The following ATP2C1 variants were observed in gnomAD, a reference collection of about 807,000 sequenced individuals.
The protein encoded by ATP2C1 is calcium-transporting ATPase type 2C member 1.
Under a neutral mutation model 120.5 loss-of-function variants are expected in ATP2C1, and 31 were observed. The observed-to-expected ratio is 0.26, with a 90% confidence interval of 0.19 to 0.35. The LOEUF is 0.35. Among genes scored for constraint, ATP2C1 ranks in the 10% least tolerant of loss-of-function variants. The probability of loss-of-function intolerance (pLI) is 1.00; values close to 1 mark genes in which losing one functional copy is unlikely to be tolerated. For missense variants in ATP2C1, 731 were observed against 1,107.5 expected, an observed-to-expected ratio of 0.66 and a Z score of 4.83; for synonymous variants, 351 against 358.7, an observed-to-expected ratio of 0.98 and a Z score of 0.24.
intron 17 of ATP2C1, among the ~76,000 whole-genome samples, chr3:130,971,317 A>G (rs1197479345): frequency 6.6e-6 from 1 of 152,184 alleles, no homozygotes; most frequent in Non-Finnish European, 1.5e-5. Context: ...AAGTGGCAGG[A>G]TATGTTTGGA....
intron 8 of ATP2C1, among the ~76,000 whole-genome samples, chr3:130,946,382 G>A (rs1033301337): frequency 6.6e-6 from 1 of 152,190 alleles, no homozygotes; most frequent in East Asian, 1.9e-4. Context: ...TGTTTTCAGG[G>A]CTTGTTCCTT....
intron 2 of ATP2C1, among the ~76,000 whole-genome samples, chr3:130,908,428 T>C (rs1419185728): frequency 6.6e-6 from 1 of 151,870 alleles, no homozygotes; most frequent in African/African-American, 2.4e-5. Flanking sequence ...CCAAGATGTA[T>C]TGAATGACAA....
chr3:130,858,586 G>A (rs981465816), intron 1 of ATP2C1, among the ~76,000 whole-genome samples: 7 of 152,154 alleles, frequency 4.6e-5, no homozygotes, highest in African/African-American at 1.7e-4. Context: ...TTTGATTCCC[G>A]ATGTATCCCA....
chr3:131,005,173 TG>T, downstream of ATP2C1, among the ~76,000 whole-genome samples: 1 of 143,446 alleles, frequency 7.0e-6, no homozygotes, highest in Middle Eastern at 3.8e-3. Flanking sequence ...TGGAGTACAG[TG>T]GTGTGATCTT....
At chr3:130,963,804 T>C in intron 12 of ATP2C1, 167 bp from the exon 13 acceptor site, 1 of 748,304 alleles carries the variant, frequency 1.3e-6, no homozygotes, top group Non-Finnish European at 2.2e-6. Context: ...TGGCAGCTAC[T>C]AGGTATCCAG....
chr3:130,996,940 G>A (rs2062649439), intron 24 of ATP2C1, 144 bp downstream of exon 24: 1 of 704,160 alleles, frequency 1.4e-6, no homozygotes, highest in South Asian at 1.6e-5. Flanking sequence ...TGTGTGATGT[G>A]TGTATTTTAT....
intron 2 of ATP2C1, among the ~76,000 whole-genome samples, chr3:130,908,502 A>C (rs997096090): frequency 2.0e-5 from 3 of 152,006 alleles, no homozygotes; most frequent in African/African-American, 4.8e-5. Context: ...ACTTGTATAC[A>C]CACCTGTATA....
intron 17 of ATP2C1, among the ~76,000 whole-genome samples, chr3:130,973,507 G>A (rs570562275): frequency 6.6e-5 from 10 of 151,906 alleles, no homozygotes; most frequent in South Asian, 2.1e-4. Flanking sequence ...TGTTTTTTTC[G>A]ATCCGGTAAC....
At position 130,976,743 on chromosome 3, in the gene ATP2C1, T is replaced by G. The variant is rs544856812; in HGVS notation, c.1570+1255T>G. On this transcript the variant is annotated intron_variant, in intron 18 of 27. Coordinates refer to ENST00000510168, the MANE Select transcript of ATP2C1 (RefSeq NM_001378687.1). ...CTGGACCCCTGAAGCCAAGGCAGATTCTTTCTCCCAGCGTCATTTCTGGGG... is the reference window on the plus strand; with the variant it reads ...CTGGACCCCTGAAGCCAAGGCAGATGCTTTCTCCCAGCGTCATTTCTGGGG... Among the ~76,000 whole-genome samples, 34 of 152,278 alleles carry G rather than the reference T, an allele frequency of 2.2e-4. No homozygotes were observed. In the South Asian group the frequency reaches 2.3e-3, roughly 10 times the overall value.
chr3:130,870,298 G>A (rs887284653), intron 1 of ATP2C1, among the ~76,000 whole-genome samples: 1 of 152,220 alleles, frequency 6.6e-6, no homozygotes, highest in African/African-American at 2.4e-5. Context: ...GCAGTCCATG[G>A]ATCAAGGAAG....
At chr3:130,994,495 T>C (rs191175460) in intron 22 of ATP2C1, among the ~76,000 whole-genome samples, 4 of 152,328 alleles carry the variant, frequency 2.6e-5, no homozygotes, top group Non-Finnish European at 1.5e-5. Flanking sequence ...TTTATATCAG[T>C]AATTTATTCA....
chr3:130,973,085 T>C (rs1001829669), intron 17 of ATP2C1, among the ~76,000 whole-genome samples: 8 of 151,586 alleles, frequency 5.3e-5, no homozygotes, highest in Non-Finnish European at 1.2e-4. Context: ...TCAAAACAAA[T>C]ACAGAAGATC....
intron 1 of ATP2C1, among the ~76,000 whole-genome samples, chr3:130,887,615 A>C (rs2069019745): frequency 6.6e-6 from 1 of 151,594 alleles, no homozygotes; most frequent in African/African-American, 2.4e-5. Context: ...AACCACTATC[A>C]CTGGGCCATG....
intron 6 of ATP2C1, among the ~76,000 whole-genome samples, chr3:130,937,902 A>G (rs1373696005): frequency 7.9e-5 from 12 of 152,240 alleles, no homozygotes; most frequent in Admixed American, 7.8e-4. Context: ...GTGATGTACC[A>G]TTTGAAGAAA....
At chr3:130,882,601 A>T (rs2068820790) in intron 1 of ATP2C1, among the ~76,000 whole-genome samples, 1 of 152,316 alleles carries the variant, frequency 6.6e-6, no homozygotes, top group Non-Finnish European at 1.5e-5. Flanking sequence ...TTTCAGCATC[A>T]ATTGAAGTGA....
At chr3:130,871,708 A>C (rs2068436153) in intron 1 of ATP2C1, among the ~76,000 whole-genome samples, 1 of 152,200 alleles carries the variant, frequency 6.6e-6, no homozygotes, top group African/African-American at 2.4e-5. Flanking sequence ...GCTGATGCCT[A>C]GTGTTACTTA....
intron 2 of ATP2C1, among the ~76,000 whole-genome samples, chr3:130,909,203 A>G (rs2058276729): frequency 6.6e-6 from 1 of 152,174 alleles, no homozygotes; most frequent in African/African-American, 2.4e-5. Flanking sequence ...GTAAGGAGGC[A>G]GTGAGATCCC....
intron 2 of ATP2C1, among the ~76,000 whole-genome samples, chr3:130,926,526 A>G (rs1252886238): frequency 6.6e-6 from 1 of 152,250 alleles, no homozygotes; most frequent in African/African-American, 2.4e-5. Flanking sequence ...GCTCTGGCTA[A>G]TCCTCATTTC....
chr3:130,867,074 A>T (rs2068202131), intron 1 of ATP2C1, among the ~76,000 whole-genome samples: 1 of 152,174 alleles, frequency 6.6e-6, no homozygotes, highest in Admixed American at 6.5e-5. Context: ...GGGTGCCCTG[A>T]ATCATGCCCG....
Sources: gnomAD v4.1 joint callset for allele counts (sites outside exome capture counted in the v4.1 genomes callset) on GRCh38, gnomAD v4.1.1 for gene constraint, MANE v1.5 for transcripts, NCBI Gene and HGNC (gene_info 2026-07-23, HGNC 2026-07-21) for gene names.